SRRM1: variants seen among roughly 807,000 people sequenced by gnomAD.
SRRM1 encodes serine and arginine repetitive matrix 1, also known as serine/arginine repetitive matrix protein 1.
A neutral mutation model predicts 110.2 loss-of-function variants in SRRM1; 19 were observed. The ratio of observed to expected loss-of-function variants is 0.17; its 90% confidence interval spans 0.12 to 0.25. The LOEUF is 0.25. Among genes scored for constraint, SRRM1 ranks in the 10% least tolerant of loss-of-function variants. The pLI, the probability that SRRM1 is intolerant of heterozygous loss-of-function variation, is 1.00. For synonymous variants in SRRM1, 443 were observed against 414.9 expected, an observed-to-expected ratio of 1.07 and a Z score of -0.82; for missense variants, 918 against 1,145.8, an observed-to-expected ratio of 0.80 and a Z score of 2.87.
Position 24,662,745 on chromosome 1 carries a change from T to C in SRRM1, c.1569T>C (p.His523=). The change falls in exon 12 of 17, where the codon CAT becomes CAC. Residue 523 remains histidine (H), a synonymous_variant. Transcript: ENST00000323848. ...GTGAGGTTGGCAGGCGGCGGAGACA[T>C]TCCCCTTCCCGGAGTGCTTCTCCAT... is the stretch of plus-strand genomic sequence containing the variant. The part of the protein sequence containing the change: ...KNGEVGRRRR[H]SPSRSASPSP... 6.2e-7 allele frequency: 1 copy of C among 1,614,184 alleles called. No individual in the cohort carries two copies. Among genetic ancestry groups the C allele is most frequent in the African/African-American group, 1.3e-5 (1 of 75,042 alleles).
intron 8 of SRRM1, among the ~76,000 whole-genome samples, chr1:24,654,563 G>A (rs1662894554): frequency 6.6e-6 from 1 of 152,114 alleles, no homozygotes; most frequent in Admixed American, 6.5e-5. Context: ...TAAGGCAGAA[G>A]GACTAGTTAG....
rs1327663525 is a variant in SRRM1, at chr1:24,672,288, G to A, written c.*2G>A. 2.5e-6 allele frequency: 4 copies of A among 1,587,908 alleles called. No individual in the cohort carries two copies. The highest frequency in any genetic ancestry group is 1.3e-5 in the African/African-American group (1 of 74,328). On this transcript the variant is annotated 3_prime_UTR_variant, in exon 17 of 17. Coordinates refer to ENST00000323848, the MANE Select transcript of SRRM1 (RefSeq NM_005839.4). The stretch of plus-strand genomic sequence containing the variant: ...GCCCAAGTGTCCCCACAGTCTTAGG[G>A]GGAAATGTTTGTTATGATGTAAATT...
At chr1:24,652,676 A>G (rs779617128) in intron 7 of SRRM1, 48 bp downstream of exon 7, 4 of 1,491,448 alleles carry the variant, frequency 2.7e-6, no homozygotes, top group Admixed American at 2.2e-5. Context: ...TTTATATACT[A>G]CTCTACTGGG....
At chr1:24,670,428 A>G (rs1672138434) in intron 15 of SRRM1, 113 bp downstream of exon 15, 1 of 1,108,210 alleles carries the variant, frequency 9.0e-7, no homozygotes, top group East Asian at 2.7e-5. Flanking sequence ...TTTTTTTCCC[A>G]TTTGTGAGTT....
intron 4 of SRRM1, 70 bp from the exon 5 acceptor site, chr1:24,649,901 C>G: frequency 7.3e-7 from 1 of 1,374,866 alleles, no homozygotes; most frequent in South Asian, 1.6e-5. Context: ...GTTTAACACA[C>G]GTAGAAAGTA....
rs1269801272 is a variant in SRRM1, at chr1:24,669,105, T to C, written c.1740-18T>C. On this transcript the variant is annotated intron_variant, in intron 13 of 16. Transcript: ENST00000323848. ...ATTTTGTTGAGCCTTTCAGCTTAATTATGTATCTTTTTCCTAGGACTCCTT... is the reference window on the plus strand; with the variant it reads ...ATTTTGTTGAGCCTTTCAGCTTAATCATGTATCTTTTTCCTAGGACTCCTT... The C allele has an allele frequency of 1.3e-6, 2 of 1,596,248 alleles. No homozygotes were observed. The highest frequency in any genetic ancestry group is 2.7e-5 in the African/African-American group (2 of 74,166).
intron 14 of SRRM1, chr1:24,669,834 A>C: frequency 3.6e-6 from 2 of 559,608 alleles, no homozygotes; most frequent in Non-Finnish European, 6.2e-6. Flanking sequence ...TTCCAAAACT[A>C]AACTTGAGTA....
At chr1:24,665,296 G>A (rs555430225) in intron 12 of SRRM1, among the ~76,000 whole-genome samples, 1 of 152,158 alleles carries the variant, frequency 6.6e-6, no homozygotes, top group Non-Finnish European at 1.5e-5. Context: ...GGGCGTGGTG[G>A]CGCATGCCTG....
At chr1:24,646,151 G>A in intron 2 of SRRM1, 78 bp downstream of exon 2, 1 of 1,082,928 alleles carries the variant, frequency 9.2e-7, no homozygotes, top group Non-Finnish European at 1.4e-6. Context: ...TTTTGGAGAT[G>A]CATTGTAACT....
Position 24,660,797 on chromosome 1 carries a change from C to T in SRRM1, c.1394C>T (p.Ser465Leu), listed in dbSNP as rs1666798905. The T allele has an allele frequency of 1.9e-6, 3 of 1,583,454 alleles. No individual in the cohort carries two copies. Among genetic ancestry groups the T allele is most frequent in the South Asian group, 1.2e-5 (1 of 85,880 alleles). The change falls in exon 10 of 17, where the codon TCG becomes TTG. Residue 465 changes from serine (S) to leucine (L), a missense_variant and splice_region_variant. By Grantham distance (145) the Ser-to-Leu change is moderately radical. Around this residue, in one of 5 missense-constraint regions of SRRM1, gnomAD observed 456 missense variants for 453.5 expected, o/e 1.01. Coordinates refer to ENST00000323848, the MANE Select transcript of SRRM1 (RefSeq NM_005839.4). ...PKPRKVELSE[S>L]EEDKGGKMAA... ...CCTAGAAAAGTAGAGTTATCTGAAT[C>T]GGGTAAGTTTGTTGTTTTTTTTTGT...
chr1:24,669,629 G>A (rs1334523287), intron 14 of SRRM1, 42 bp downstream of exon 14: 1 of 1,424,076 alleles, frequency 7.0e-7, no homozygotes, highest in East Asian at 2.5e-5. Flanking sequence ...TACTTACATA[G>A]CTGTTTATAT....
In SRRM1 at chr1:24,671,972, C is replaced by T. The variant is rs564071298; in HGVS notation, c.2611-210C>T. On this transcript the variant is annotated intron_variant, in intron 16 of 16. Transcript: ENST00000323848. ...TTTTAGGGTACATGTGCACAATGTG[C>T]AGGTTTGTTACATATGTATACATGT... 7.3e-5 allele frequency among the ~76,000 whole-genome samples: 11 copies of T among 151,248 alleles called. No individual in the cohort carries two copies. The South Asian group carries it at 2.3e-3, about 32-fold the overall frequency.
chr1:24,654,862 C>T lies in SRRM1; in HGVS notation c.1048C>T (p.Arg350Cys), dbSNP rs34369786. ...RSRSPVRRRRRSSASLSGSSS... is the reference protein window; with the variant it reads ...RSRSPVRRRRCSSASLSGSSS... ...GAATACTTTATTCCACAGAAGAAGA[C>T]GTTCGTCAGCATCCTTGTCTGGGAG... The change falls in exon 9 of 17, where the codon CGT (arginine) becomes TGT (cysteine). Residue 350 changes from arginine (R) to cysteine (C), a missense_variant. By Grantham distance (180) the Arg-to-Cys change is radical (BLOSUM62 -3). Transcript: ENST00000323848. 3 of 1,614,162 alleles carry T rather than the reference C, an allele frequency of 1.9e-6. No individual in the cohort carries two copies. Among genetic ancestry groups the T allele is most frequent in the Middle Eastern group, 1.6e-4 (1 of 6,062 alleles).
At chr1:24,665,582 G>A (rs983113439) in intron 12 of SRRM1, among the ~76,000 whole-genome samples, 3 of 151,644 alleles carry the variant, frequency 2.0e-5, no homozygotes, top group African/African-American at 4.9e-5. Flanking sequence ...GTGTGGTGGC[G>A]GGCACCTGTA....
At chr1:24,646,934 A>G (rs928658054) in intron 3 of SRRM1, 145 bp downstream of exon 3, 2 of 629,564 alleles carry the variant, frequency 3.2e-6, no homozygotes, top group African/African-American at 1.9e-5. Context: ...GTAAACAACT[A>G]TTAAGGCTGG....
intron 12 of SRRM1, among the ~76,000 whole-genome samples, chr1:24,664,358 T>C (rs1668825796): frequency 6.6e-6 from 1 of 152,232 alleles, no homozygotes; most frequent in African/African-American, 2.4e-5. Context: ...TGTAAAATTT[T>C]AGAGCCAAAT....
chr1:24,646,937 A>G, intron 3 of SRRM1, 148 bp downstream of exon 3: 1 of 602,004 alleles, frequency 1.7e-6, no homozygotes, highest in East Asian at 3.3e-5. Context: ...AACAACTATT[A>G]AGGCTGGAAG....
chr1:24,662,925 G>A, intron 12 of SRRM1, 121 bp downstream of exon 12: 5 of 1,377,426 alleles, frequency 3.6e-6, no homozygotes, highest in South Asian at 2.9e-5. Context: ...TTGGATTTTT[G>A]TTTGCTTTTT....
chr1:24,668,965 T>C (rs7513397), intron 13 of SRRM1, among the ~76,000 whole-genome samples, 158 bp from the exon 14 acceptor site: 6,171 of 152,246 alleles, frequency 0.041, 395 homozygotes, highest in African/African-American at 0.14. Flanking sequence ...ACAAGTTTTA[T>C]TGATATTTAA....
Sources: allele counts gnomAD v4.1 joint callset (sites outside exome capture counted in the v4.1 genomes callset), GRCh38; gene constraint gnomAD v4.1.1; regional missense constraint gnomAD v4.1.1; transcripts MANE v1.5; gene names NCBI Gene and HGNC (gene_info 2026-07-23, HGNC 2026-07-21).